Variants in FGD6 observed in about 807,000 individuals in gnomAD.
FGD6 encodes the protein FYVE, RhoGEF and PH domain-containing protein 6.
Under a neutral mutation model 149.4 loss-of-function variants are expected in FGD6, and 90 were observed. That is an observed-to-expected ratio of 0.60 (90% CI 0.51 to 0.72). The LOEUF is 0.72. FGD6 is among the 30% of genes least tolerant of loss of function. The pLI is 0.00. For missense variants in FGD6, 1,437 were observed against 1,684.8 expected (o/e 0.85, Z 2.57); for synonymous variants, 527 against 584.0 (o/e 0.90, Z 1.41).
At chr12:95,128,069 A>G (rs1158595103) in intron 8 of FGD6, among the ~76,000 whole-genome samples, 4 of 152,240 alleles carry the variant, frequency 2.6e-5, no homozygotes, top group Non-Finnish European at 5.9e-5. Context: ...GGATGGTAGA[A>G]GATGAAAAAA....
Position 95,094,168 on chromosome 12 carries a change from AAAAG to A in FGD6, c.3600+420_3600+423del, listed in dbSNP as rs1011946535. The stretch of plus-strand genomic sequence containing the variant: ...GAGTGAAATTCTGTCTCAAAAAAAA[AAAAG>A]AAAGAAAAAGAAAAGAAATATGGGC... On this transcript the variant is annotated intron_variant, in intron 15 of 20. Transcript: ENST00000343958. Among the ~76,000 whole-genome samples, 33 of 152,200 alleles carry A rather than the reference AAAAG, an allele frequency of 2.2e-4. No homozygotes were observed. In the South Asian group the frequency reaches 5.6e-3, roughly 26 times the overall value.
At chr12:95,169,823 C>T (rs1345890945) in intron 3 of FGD6, among the ~76,000 whole-genome samples, 1 of 152,060 alleles carries the variant, frequency 6.6e-6, no homozygotes, top group African/African-American at 2.4e-5. Flanking sequence ...TTATGGCCCT[C>T]AAGAAGACAA....
At chr12:95,109,395 G>A (rs1191324698) in intron 9 of FGD6, among the ~76,000 whole-genome samples, 1 of 152,130 alleles carries the variant, frequency 6.6e-6, no homozygotes, top group Non-Finnish European at 1.5e-5. Context: ...TGGTGGGTAG[G>A]AGGCAGGGAT....
intron 14 of FGD6, among the ~76,000 whole-genome samples, chr12:95,098,283 C>T (rs1322449246): frequency 2.6e-5 from 4 of 152,166 alleles, no homozygotes; most frequent in Non-Finnish European, 5.9e-5. Context: ...AAGAACTCCT[C>T]TTATACCCTG....
rs1243929160 is a variant in FGD6 at position 95,115,308 on chromosome 12, G to T, written c.3083-1607C>A. Among the ~76,000 whole-genome samples the T allele has an allele frequency of 2.0e-5, 3 of 151,782 alleles. No individual in the cohort carries two copies. The East Asian group carries it at 5.8e-4, about 29-fold the overall frequency. Reference sequence around the variant, plus strand: ...GCTGGAGCACAGTGCTGCAATCATTGCTCACTACAGCCTCAAATTCCTGGA... The same window carrying T: ...GCTGGAGCACAGTGCTGCAATCATTTCTCACTACAGCCTCAAATTCCTGGA... On this transcript the variant is annotated intron_variant, in intron 8 of 20. Coordinates refer to ENST00000343958, the MANE Select transcript of FGD6 (RefSeq NM_018351.4).
chr12:95,092,166 A>C (rs568490947), intron 16 of FGD6, among the ~76,000 whole-genome samples: 1 of 152,218 alleles, frequency 6.6e-6, no homozygotes, highest in Non-Finnish European at 1.5e-5. Flanking sequence ...CTGCTGCAGC[A>C]ACGACCACGT....
intron 2 of FGD6, among the ~76,000 whole-genome samples, chr12:95,202,199 C>T (rs940120446): frequency 6.6e-6 from 1 of 151,790 alleles, no homozygotes; most frequent in Non-Finnish European, 1.5e-5. Flanking sequence ...CCAGCCTGGC[C>T]AACATGGTGA....
At chr12:95,108,309 A>G (rs774520989) in intron 11 of FGD6, 39 bp downstream of exon 11, 1 of 1,561,658 alleles carries the variant, frequency 6.4e-7, no homozygotes, top group South Asian at 1.1e-5. Context: ...ACCTAAATGC[A>G]TCGTATTAAG....
intron 8 of FGD6, among the ~76,000 whole-genome samples, chr12:95,116,602 A>G (rs778489914): frequency 1.5e-4 from 23 of 152,310 alleles, no homozygotes; most frequent in Non-Finnish European, 2.8e-4. Context: ...TTATGAACAC[A>G]GTTGAAATAC....
chr12:95,138,983 A>G (rs1010077147), intron 6 of FGD6, among the ~76,000 whole-genome samples: 10 of 151,804 alleles, frequency 6.6e-5, no homozygotes, highest in Non-Finnish European at 8.8e-5. Context: ...CATACTTAAG[A>G]GCACAGACTA....
chr12:95,141,555 G>A lies in FGD6; in HGVS notation c.2686-16C>T. The A allele has an allele frequency of 6.2e-7, 1 of 1,613,566 alleles. No homozygotes were observed. Among genetic ancestry groups the A allele is most frequent in the Non-Finnish European group, 8.5e-7 (1 of 1,179,834 alleles). ...CCCGGAAATCCTATTACAGTCCAGAGCAGGAAAAACAATACACACACATGT... is the reference window on the plus strand; with the variant it reads ...CCCGGAAATCCTATTACAGTCCAGAACAGGAAAAACAATACACACACATGT... On this transcript the variant is annotated splice_polypyrimidine_tract_variant and intron_variant, in intron 5 of 20. Coordinates refer to ENST00000343958, the MANE Select transcript of FGD6 (RefSeq NM_018351.4).
At chr12:95,197,091 A>T (rs1592873287) in intron 2 of FGD6, among the ~76,000 whole-genome samples, 1 of 152,206 alleles carries the variant, frequency 6.6e-6, no homozygotes, top group African/African-American at 2.4e-5. Flanking sequence ...CTCAACTTAT[A>T]GCCAGACTGA....
At chr12:95,155,700 G>A (rs923542864) in intron 3 of FGD6, among the ~76,000 whole-genome samples, 1 of 152,132 alleles carries the variant, frequency 6.6e-6, no homozygotes, top group South Asian at 2.1e-4. Flanking sequence ...GTCAAACACA[G>A]GGACTACGTA....
rs1404418735 is a variant in FGD6, at chr12:95,186,225, CTTCTTTTTTTTTTTTTTTTT to C, written c.2442-13501_2442-13482del. Among the ~76,000 whole-genome samples, 26 of 71,184 alleles carry C rather than the reference CTTCTTTTTTTTTTTTTTTTT, an allele frequency of 3.7e-4. 1 individual carries two copies. The East Asian group carries it at 0.01, about 28-fold the overall frequency. The allele number at this position is 71,184 out of a possible 152,430, so 46.7% of individuals were successfully genotyped here. ...AGCTAAGAATGCTTCTTATATTCTT[CTTCTTTTTTTTTTTTTTTTT>C]TTTTTTTTTTTTTTTTTTTTTGAGA... On this transcript the variant is annotated intron_variant, in intron 2 of 20. Transcript: ENST00000343958.
intron 14 of FGD6, among the ~76,000 whole-genome samples, chr12:95,100,066 C>T (rs963069882): frequency 1.1e-5 from 1 of 92,716 alleles, no homozygotes; most frequent in African/African-American, 3.8e-5. Context: ...CCCCCCCCCC[C>T]CCACCCCATA....
intron 3 of FGD6, among the ~76,000 whole-genome samples, chr12:95,161,585 C>G (rs560286226): frequency 6.6e-6 from 1 of 152,288 alleles, no homozygotes; most frequent in East Asian, 1.9e-4. Flanking sequence ...TCAAATTTGA[C>G]CCAAATAAAC....
In FGD6 at chr12:95,210,722, T is replaced by C; in HGVS notation, c.562A>G (p.Ile188Val). 2 of 1,614,010 alleles carry C rather than the reference T, an allele frequency of 1.2e-6. No homozygotes were observed. Among genetic ancestry groups the C allele is most frequent in the Non-Finnish European group, 1.7e-6 (2 of 1,180,014 alleles). Residue 188 changes from isoleucine to valine, a missense_variant, in exon 2 of 21, where the codon ATA becomes GTA. This residue lies in a region of FGD6 where 1,055 missense variants were observed against 1,146.0 expected (regional missense o/e 0.92). Coordinates refer to ENST00000343958, the MANE Select transcript of FGD6 (RefSeq NM_018351.4). ...GAAATAAAAGGTGGCATTTGGTGTATTAAGGCATCTTTGAGCTCCTCTTCT... is the reference window on the plus strand; with the variant it reads ...GAAATAAAAGGTGGCATTTGGTGTACTAAGGCATCTTTGAGCTCCTCTTCT... The part of the protein sequence containing the change: ...VLEEELKDAL[I>V]HQMPPFISAQ...
rs1878669797 is a variant in FGD6, at chr12:95,107,552, A to G, written c.3333+11T>C. On this transcript the variant is annotated intron_variant, in intron 12 of 20. Transcript: ENST00000343958. ...ACCTCGGCCACATCAGAACTACACAAGTCCTCTTACCAGGAAAAACATTCG... is the reference window on the plus strand; with the variant it reads ...ACCTCGGCCACATCAGAACTACACAGGTCCTCTTACCAGGAAAAACATTCG... 1.9e-6 allele frequency: 3 copies of G among 1,613,768 alleles called. No homozygotes were observed. The highest frequency in any genetic ancestry group is 2.7e-5 in the African/African-American group (2 of 74,920).
chr12:95,130,040 C>A (rs1338740325), intron 8 of FGD6, among the ~76,000 whole-genome samples: 2 of 152,066 alleles, frequency 1.3e-5, no homozygotes, highest in South Asian at 2.1e-4. Flanking sequence ...TATATGCATT[C>A]TTTTAGATCC....
Sources: gnomAD v4.1 joint callset for allele counts (sites outside exome capture counted in the v4.1 genomes callset) on GRCh38, gnomAD v4.1.1 for gene constraint, gnomAD v4.1.1 regional missense constraint, MANE v1.5 for transcripts, NCBI Gene and HGNC (gene_info 2026-07-23, HGNC 2026-07-21) for gene names.